Variants in ANXA10 observed in about 807,000 individuals in gnomAD.
The protein encoded by ANXA10 is annexin A10.
Under a neutral mutation model 53.5 loss-of-function variants are expected in ANXA10, and 49 were observed. The observed-to-expected ratio is 0.92, with a 90% confidence interval of 0.73 to 1.16. The LOEUF (loss-of-function observed/expected upper bound fraction) is 1.16. Ranked by LOEUF, ANXA10 falls within the 50% of genes most tolerant of loss-of-function variation. The probability of loss-of-function intolerance (pLI) is 0.00; values close to 1 mark genes in which losing one functional copy is unlikely to be tolerated. For synonymous variants in ANXA10, 131 were observed against 128.9 expected (o/e 1.02, Z -0.11); for missense variants, 393 against 394.4 (o/e 1.00, Z 0.03).
intron 3 of ANXA10, among the ~76,000 whole-genome samples, chr4:168,156,283 A>ATATATTATATTATAT (rs368190065): frequency 1.7e-5 from 1 of 60,108 alleles, no homozygotes; most frequent in Non-Finnish European, 3.0e-5. Context: ...ATATAATAGT[A>ATATATTATATTATAT]TATATTATAT....
intron 3 of ANXA10, among the ~76,000 whole-genome samples, chr4:168,158,674 C>T (rs1731730293): frequency 6.6e-6 from 1 of 152,252 alleles, no homozygotes; most frequent in Admixed American, 6.5e-5. Flanking sequence ...GTATCCTCTT[C>T]CCTGTAGAAA....
chr4:168,153,433 A>AC (rs1389332621), intron 3 of ANXA10, among the ~76,000 whole-genome samples: 2 of 59,012 alleles, frequency 3.4e-5, no homozygotes, highest in Non-Finnish European at 8.1e-5. Context: ...AAAAAAAAAA[A>AC]AAAAAAAACA....
chr4:168,177,772 G>T lies in ANXA10; in HGVS notation c.513G>T (p.Ala171=). 6.2e-7 allele frequency: 1 copy of T among 1,614,138 alleles called. No homozygotes were observed. The highest frequency in any genetic ancestry group is 8.5e-7 in the Non-Finnish European group (1 of 1,180,028). The change falls in exon 7 of 12, where the codon GCG becomes GCT. Residue 171 remains alanine (A), a synonymous_variant. Coordinates refer to ENST00000359299, the MANE Select transcript of ANXA10 (RefSeq NM_007193.5). ...GTREEGYTDP[A]MAAQDAMVLW... is the part of the protein sequence containing the mutation. ...GAGAGGAAGGATATACAGACCCTGC[G>T]ATGGCTGCTCAGGATGCAATGGTAA... is the stretch of plus-strand genomic sequence containing the variant.
chr4:168,179,636 T>G (rs1220142906), intron 9 of ANXA10, among the ~76,000 whole-genome samples: 1 of 152,248 alleles, frequency 6.6e-6, no homozygotes, highest in Non-Finnish European at 1.5e-5. Flanking sequence ...TTATCTTTAC[T>G]GACTTCCATT....
intron 11 of ANXA10, 38 bp from the exon 12 acceptor site, chr4:168,187,328 G>A: frequency 7.5e-7 from 1 of 1,337,304 alleles, no homozygotes; most frequent in East Asian, 2.6e-5. Context: ...GAACTATTAT[G>A]ATATTTTATT....
At chr4:168,096,926 A>ATATATGTAAATATATATATATATATATG (rs371811709) in intron 1 of ANXA10, among the ~76,000 whole-genome samples, 1 of 129,902 alleles carries the variant, frequency 7.7e-6, no homozygotes, top group Non-Finnish European at 1.6e-5. Flanking sequence ...ATATATATAT[A>ATATATGTAAATATATATATATATATATG]TATGTATGTA....
At chr4:168,163,864 G>A (rs943155466) in intron 4 of ANXA10, among the ~76,000 whole-genome samples, 22 of 152,234 alleles carry the variant, frequency 1.4e-4, no homozygotes, top group African/African-American at 5.3e-4. Flanking sequence ...AGCAGCAAAT[G>A]GAATATCAAA....
chr4:168,123,912 T>G (rs923334422), intron 1 of ANXA10, among the ~76,000 whole-genome samples: 3 of 152,190 alleles, frequency 2.0e-5, no homozygotes, highest in Non-Finnish European at 4.4e-5. Context: ...CCTTGTTAGG[T>G]ATCTTCCCAA....
At chr4:168,101,086 G>A (rs995184133) in intron 1 of ANXA10, among the ~76,000 whole-genome samples, 3 of 151,978 alleles carry the variant, frequency 2.0e-5, no homozygotes, top group Admixed American at 6.6e-5. Context: ...GATAGTGGGG[G>A]CTGTTTCTCA....
At chr4:168,146,533 G>A (rs141777214) in intron 3 of ANXA10, among the ~76,000 whole-genome samples, 209 of 152,248 alleles carry the variant, frequency 1.4e-3, no homozygotes, top group Non-Finnish European at 2.3e-3. Flanking sequence ...TAACCTTGGC[G>A]TCAGAAACAT....
At chr4:168,185,190 C>T (rs1732344651) in intron 11 of ANXA10, among the ~76,000 whole-genome samples, 1 of 152,110 alleles carries the variant, frequency 6.6e-6, no homozygotes, top group Admixed American at 6.5e-5. Flanking sequence ...GAACCCTTTA[C>T]CTCAGCGACA....
intron 3 of ANXA10, among the ~76,000 whole-genome samples, chr4:168,159,745 T>C (rs1481541781): frequency 6.6e-6 from 1 of 152,194 alleles, no homozygotes; most frequent in Non-Finnish European, 1.5e-5. Flanking sequence ...ACACTTCCAA[T>C]ATTGGTATTT....
intron 3 of ANXA10, among the ~76,000 whole-genome samples, chr4:168,145,925 C>CA (rs1472029919): frequency 6.7e-6 from 1 of 149,132 alleles, no homozygotes; most frequent in Non-Finnish European, 1.5e-5. Flanking sequence ...TGTTGAGTGG[C>CA]TTTTTTTTTT....
intron 10 of ANXA10, among the ~76,000 whole-genome samples, chr4:168,183,894 G>A (rs1386291012): frequency 6.6e-6 from 1 of 151,798 alleles, no homozygotes; most frequent in Admixed American, 6.6e-5. Flanking sequence ...CTGTTTTCTG[G>A]CCACTAGATG....
At chr4:168,106,721 G>A (rs1420488890) in intron 1 of ANXA10, among the ~76,000 whole-genome samples, 1 of 152,018 alleles carries the variant, frequency 6.6e-6, no homozygotes, top group Non-Finnish European at 1.5e-5. Flanking sequence ...TTATCACAAG[G>A]GAAATGGAAA....
intron 3 of ANXA10, among the ~76,000 whole-genome samples, chr4:168,156,227 T>TG (rs1731669503): frequency 4.8e-5 from 1 of 20,772 alleles, no homozygotes; most frequent in African/African-American, 1.6e-4. Flanking sequence ...GTAATATGTA[T>TG]TATATTATAT....
intron 1 of ANXA10, among the ~76,000 whole-genome samples, chr4:168,097,428 T>G (rs1730569586): frequency 6.6e-6 from 1 of 152,056 alleles, no homozygotes; most frequent in African/African-American, 2.4e-5. Context: ...TAGCCTCTCC[T>G]TTGGTCATAA....
At chr4:168,103,485 A>G (rs1730672632) in intron 1 of ANXA10, among the ~76,000 whole-genome samples, 1 of 151,920 alleles carries the variant, frequency 6.6e-6, no homozygotes, top group Non-Finnish European at 1.5e-5. Context: ...ATGTGAGTCT[A>G]GATTCTTTAT....
At chr4:168,119,071 G>A (rs1292397538) in intron 1 of ANXA10, among the ~76,000 whole-genome samples, 1 of 151,990 alleles carries the variant, frequency 6.6e-6, no homozygotes, top group Non-Finnish European at 1.5e-5. Flanking sequence ...TATTTAGTGT[G>A]CCTTGATATA....
Sources: allele counts gnomAD v4.1 joint callset (sites outside exome capture counted in the v4.1 genomes callset), GRCh38; gene constraint gnomAD v4.1.1; transcripts MANE v1.5; gene names NCBI Gene and HGNC (gene_info 2026-07-23, HGNC 2026-07-21).